Variants in TSPAN18 observed in about 807,000 individuals in gnomAD.
The protein encoded by TSPAN18 is tetraspanin-18.
In TSPAN18, 14 loss-of-function variants were observed where a neutral mutation model predicts 27.3. The ratio of observed to expected loss-of-function variants is 0.51; its 90% confidence interval spans 0.34 to 0.80. TSPAN18 has a LOEUF of 0.80. TSPAN18 is among the 30% of genes least tolerant of loss of function. The pLI is 0.01. For synonymous variants in TSPAN18, 143 were observed against 136.5 expected, an observed-to-expected ratio of 1.05 and a Z score of -0.33; for missense variants, 268 against 323.9, an observed-to-expected ratio of 0.83 and a Z score of 1.32.
At chr11:44,911,549 A>G (rs1311390033) in intron 5 of TSPAN18, among the ~76,000 whole-genome samples, 8 of 152,200 alleles carry the variant, frequency 5.3e-5, no homozygotes, top group Non-Finnish European at 1.5e-5. Context: ...CGGTGCTCGC[A>G]GAAGTCTTGG....
At chr11:44,835,046 G>A (rs933259743) in intron 2 of TSPAN18, among the ~76,000 whole-genome samples, 5 of 152,212 alleles carry the variant, frequency 3.3e-5, no homozygotes, top group Non-Finnish European at 2.9e-5. Context: ...GCCACCCTGA[G>A]GGTGGGGGAG....
intron 8 of TSPAN18, 183 bp from the exon 9 acceptor site, chr11:44,926,491 C>CT (rs1212032220): frequency 3.2e-6 from 2 of 623,380 alleles, no homozygotes; most frequent in Non-Finnish European, 5.8e-6. Flanking sequence ...TGGTGCAATG[C>CT]TGCCAAGTCG....
At chr11:44,768,752 G>A (rs923600574) in intron 2 of TSPAN18, among the ~76,000 whole-genome samples, 6 of 152,162 alleles carry the variant, frequency 3.9e-5, no homozygotes, top group African/African-American at 1.4e-4. Context: ...ACTTGAGGAA[G>A]ATCCCCTTAA....
At chr11:44,810,797 G>T (rs1856697071) in intron 2 of TSPAN18, among the ~76,000 whole-genome samples, 1 of 151,702 alleles carries the variant, frequency 6.6e-6, no homozygotes, top group African/African-American at 2.4e-5. Context: ...TTTGCAGGAA[G>T]GGGGTTTTGC....
At chr11:44,919,141 A>G in intron 6 of TSPAN18, 73 bp from the exon 7 acceptor site, 2 of 1,218,122 alleles carry the variant, frequency 1.6e-6, no homozygotes, top group Non-Finnish European at 2.4e-6. Flanking sequence ...AAGCAGGTGG[A>G]TGGAGAGACG....
intron 2 of TSPAN18, among the ~76,000 whole-genome samples, chr11:44,807,192 TAAAAAAAAAAAAAAAAAAAAAAAAAA>T (rs1046665098): frequency 7.4e-5 from 5 of 67,320 alleles, no homozygotes; most frequent in African/African-American, 3.3e-4. Flanking sequence ...CCCTGTCTCT[TAAAAAAAAAAAAAAAAAAAAAAAAAA>T]AAAAAAAAAA....
intron 2 of TSPAN18, among the ~76,000 whole-genome samples, chr11:44,776,969 A>T (rs1855823698): frequency 6.6e-6 from 1 of 151,996 alleles, no homozygotes; most frequent in Non-Finnish European, 1.5e-5. Flanking sequence ...GGAGAAAGAT[A>T]CCCCCTCTCA....
At chr11:44,848,006 A>T (rs56063913) in intron 2 of TSPAN18, among the ~76,000 whole-genome samples, 133,009 of 151,658 alleles carry the variant, frequency 0.88, 58,389 homozygotes, top group East Asian at 0.93. Flanking sequence ...GCTAATTTTT[A>T]GTATTTTTAG....
intron 1 of TSPAN18, among the ~76,000 whole-genome samples, chr11:44,742,827 C>G (rs922768369): frequency 4.6e-5 from 7 of 152,226 alleles, no homozygotes; most frequent in African/African-American, 1.4e-4. Flanking sequence ...CTGCCATCCA[C>G]TCTCCCATTG....
chr11:44,929,141 T>C lies in TSPAN18; in HGVS notation c.710T>C (p.Met237Thr). The C allele has an allele frequency of 6.2e-7, 1 of 1,613,440 alleles. No individual in the cohort carries two copies. Among genetic ancestry groups the C allele is most frequent in the South Asian group, 1.1e-5 (1 of 91,088 alleles). ...IGVLAIELFAMIFAMCLFRGI... is the reference protein window; with the variant it reads ...IGVLAIELFATIFAMCLFRGI... Reference sequence around the variant, plus strand: ...TTTCTTTTTTTGCAGCTTTTCGCCATGATCTTTGCCATGTGCCTCTTCCGG... The same window carrying C: ...TTTCTTTTTTTGCAGCTTTTCGCCACGATCTTTGCCATGTGCCTCTTCCGG... The change falls in exon 10 of 10, where the codon ATG becomes ACG. Residue 237 changes from methionine (M) to threonine (T), a missense_variant. Transcript: ENST00000520358.
intron 3 of TSPAN18, among the ~76,000 whole-genome samples, chr11:44,893,853 T>A (rs908886016): frequency 3.3e-5 from 5 of 152,210 alleles, no homozygotes; most frequent in Non-Finnish European, 7.3e-5. Context: ...CCTCCCCACA[T>A]GGCCTCCCTG....
At chr11:44,915,216 T>A (rs1859861729) in intron 5 of TSPAN18, among the ~76,000 whole-genome samples, 1 of 152,074 alleles carries the variant, frequency 6.6e-6, no homozygotes, top group Non-Finnish European at 1.5e-5. Context: ...GGGGAGGGGC[T>A]CCTCATAGAG....
intron 6 of TSPAN18, among the ~76,000 whole-genome samples, 163 bp downstream of exon 6, chr11:44,918,209 G>A (rs1352148307): frequency 1.3e-5 from 2 of 152,158 alleles, no homozygotes; most frequent in African/African-American, 2.4e-5. Flanking sequence ...GCAAGGCCCC[G>A]CAGACCAGGG....
chr11:44,864,402 C>T (rs550149672), intron 3 of TSPAN18, among the ~76,000 whole-genome samples: 2 of 152,188 alleles, frequency 1.3e-5, no homozygotes, highest in Non-Finnish European at 2.9e-5. Flanking sequence ...CATTCATTCA[C>T]CAACACTTCA....
chr11:44,780,973 CACG>C (rs1448355912), intron 2 of TSPAN18, among the ~76,000 whole-genome samples: 1 of 152,252 alleles, frequency 6.6e-6, no homozygotes, highest in Non-Finnish European at 1.5e-5. Context: ...GCTTTTCAGA[CACG>C]GCGGTGAGCT....
intron 2 of TSPAN18, among the ~76,000 whole-genome samples, chr11:44,825,587 C>A (rs1857022572): frequency 6.6e-6 from 1 of 152,170 alleles, no homozygotes; most frequent in African/African-American, 2.4e-5. Flanking sequence ...CCAGCGGGAC[C>A]CCTCCTGTGT....
chr11:44,756,491 G>A (rs948267541), intron 1 of TSPAN18, among the ~76,000 whole-genome samples: 1 of 151,892 alleles, frequency 6.6e-6, no homozygotes, highest in East Asian at 1.9e-4. Context: ...TTGTGCAACC[G>A]TCCATGCCAT....
chr11:44,927,491 T>G (rs981795391), intron 9 of TSPAN18, among the ~76,000 whole-genome samples: 2 of 152,212 alleles, frequency 1.3e-5, no homozygotes, highest in African/African-American at 4.8e-5. Context: ...TCCAGCAGCC[T>G]GGGCACCTGG....
At chr11:44,777,240 T>C (rs1369893608) in intron 2 of TSPAN18, among the ~76,000 whole-genome samples, 1 of 152,150 alleles carries the variant, frequency 6.6e-6, no homozygotes, top group Non-Finnish European at 1.5e-5. Flanking sequence ...TTTGTTTTTT[T>C]CCATATCAAG....
Sources: gnomAD v4.1 joint callset for allele counts (sites outside exome capture counted in the v4.1 genomes callset) on GRCh38, gnomAD v4.1.1 for gene constraint, MANE v1.5 for transcripts, NCBI Gene and HGNC (gene_info 2026-07-23, HGNC 2026-07-21) for gene names.